Variants in PLCL2 observed in about 807,000 individuals in gnomAD.
PLCL2 encodes the protein inactive phospholipase C-like protein 2.
PLCL2 carries 4 observed loss-of-function variants against 79.6 expected under a neutral mutation model. The observed-to-expected ratio is 0.05, with a 90% confidence interval of 0.02 to 0.11. The LOEUF is 0.11. Among genes scored for constraint, PLCL2 ranks in the 10% least tolerant of loss-of-function variants. PLCL2 has a pLI of 1.00. For synonymous variants in PLCL2, 484 were observed against 457.7 expected, an observed-to-expected ratio of 1.06 and a Z score of -0.73; for missense variants, 895 against 1,291.0, an observed-to-expected ratio of 0.69 and a Z score of 4.70.
chr3:17,079,994 C>G (rs1420168648), intron 5 of PLCL2, among the ~76,000 whole-genome samples: 1 of 152,186 alleles, frequency 6.6e-6, no homozygotes, highest in Non-Finnish European at 1.5e-5. Context: ...GCTCTCCTTT[C>G]CGCTCCTGCA....
intron 1 of PLCL2, among the ~76,000 whole-genome samples, chr3:16,920,640 C>CT (rs1015892841): frequency 2.0e-5 from 3 of 152,062 alleles, no homozygotes; most frequent in African/African-American, 4.8e-5. Context: ...TTAGGGAGGG[C>CT]ATACTTAAAG....
At position 16,904,021 on chromosome 3, in the gene PLCL2, G is replaced by A. The variant is rs539226550; in HGVS notation, c.327+18655G>A. Among the ~76,000 whole-genome samples, 3 of 152,298 alleles carry A rather than the reference G, an allele frequency of 2.0e-5. No individual in the cohort carries two copies. The South Asian group carries it at 6.2e-4, about 32-fold the overall frequency. On this transcript the variant is annotated intron_variant, in intron 1 of 5. Transcript: ENST00000615277. ...GTGATCTTTTTTCAGAAGTACAGTG[G>A]CAATGGATATCTTTGAACTCTAACA...
chr3:16,924,829 T>A (rs1697207091), intron 1 of PLCL2, among the ~76,000 whole-genome samples: 1 of 152,158 alleles, frequency 6.6e-6, no homozygotes, highest in African/African-American at 2.4e-5. Flanking sequence ...AAGCAATGAT[T>A]TTTACTAGGT....
At chr3:16,982,427 G>A (rs775087553) in intron 1 of PLCL2, among the ~76,000 whole-genome samples, 1 of 152,172 alleles carries the variant, frequency 6.6e-6, no homozygotes, top group African/African-American at 2.4e-5. Flanking sequence ...AGGTGGAGGA[G>A]ATGGTATCTG....
chr3:17,083,046 A>G (rs2065179924), intron 5 of PLCL2, among the ~76,000 whole-genome samples: 1 of 152,138 alleles, frequency 6.6e-6, no homozygotes, highest in African/African-American at 2.4e-5. Flanking sequence ...CTGAGGATAC[A>G]GCAGTGATCA....
chr3:16,906,288 AT>A, intron 1 of PLCL2, among the ~76,000 whole-genome samples: 1 of 151,898 alleles, frequency 6.6e-6, no homozygotes, highest in Non-Finnish European at 1.5e-5. Context: ...TCATCTCTTG[AT>A]TTTTTTTCTA....
intron 1 of PLCL2, among the ~76,000 whole-genome samples, chr3:16,889,168 C>T (rs763903327): frequency 2.6e-5 from 4 of 152,132 alleles, no homozygotes; most frequent in Admixed American, 2.0e-4. Context: ...AAGTGCTTAC[C>T]GTAATTCTCT....
At chr3:17,015,061 C>G in intron 3 of PLCL2, 150 bp downstream of exon 3, 3 of 644,148 alleles carry the variant, frequency 4.7e-6, no homozygotes, top group Non-Finnish European at 8.1e-6. Context: ...CCTGACCTTG[C>G]TGTATTTGAA....
At chr3:17,049,779 A>G (rs1051500020) in intron 4 of PLCL2, among the ~76,000 whole-genome samples, 1 of 152,156 alleles carries the variant, frequency 6.6e-6, no homozygotes, top group Admixed American at 6.5e-5. Context: ...CAGATTCAAT[A>G]CAATCGCTAT....
chr3:17,023,168 T>C (rs1439975405), intron 3 of PLCL2, among the ~76,000 whole-genome samples: 1 of 152,186 alleles, frequency 6.6e-6, no homozygotes, highest in Non-Finnish European at 1.5e-5. Context: ...CACTCAATAC[T>C]GCAAGAGGCG....
intron 1 of PLCL2, among the ~76,000 whole-genome samples, chr3:16,958,394 G>C (rs771593771): frequency 1.3e-4 from 20 of 151,992 alleles, no homozygotes; most frequent in Non-Finnish European, 2.8e-4. Context: ...TTTATTTCTG[G>C]TATCTGAAAA....
intron 1 of PLCL2, among the ~76,000 whole-genome samples, chr3:16,959,598 T>A (rs980950840): frequency 1.3e-5 from 2 of 152,040 alleles, no homozygotes; most frequent in Non-Finnish European, 2.9e-5. Flanking sequence ...GGACCTTCCC[T>A]CCTGTCCATG....
intron 3 of PLCL2, among the ~76,000 whole-genome samples, chr3:17,021,574 C>G (rs2064453174): frequency 6.8e-6 from 1 of 146,600 alleles, no homozygotes; most frequent in Non-Finnish European, 1.5e-5. Context: ...CACTGAGGAA[C>G]ACATATTCTT....
intron 1 of PLCL2, among the ~76,000 whole-genome samples, chr3:16,943,852 G>A (rs2063577684): frequency 6.6e-6 from 1 of 152,170 alleles, no homozygotes; most frequent in African/African-American, 2.4e-5. Context: ...GTCTCTTCTA[G>A]GTAGCTTGAT....
At chr3:16,918,503 T>C (rs1442399836) in intron 1 of PLCL2, among the ~76,000 whole-genome samples, 1 of 152,194 alleles carries the variant, frequency 6.6e-6, no homozygotes, top group African/African-American at 2.4e-5. Context: ...AAATAGTCTC[T>C]TTATGCAATG....
intron 3 of PLCL2, among the ~76,000 whole-genome samples, chr3:17,038,593 A>T (rs1454219606): frequency 6.6e-6 from 1 of 152,142 alleles, no homozygotes; most frequent in Non-Finnish European, 1.5e-5. Context: ...GTAGTTTCAC[A>T]TTAAATATAA....
At chr3:17,027,619 C>CTCTT (rs769751970) in intron 3 of PLCL2, among the ~76,000 whole-genome samples, 1 of 152,206 alleles carries the variant, frequency 6.6e-6, no homozygotes, top group Non-Finnish European at 1.5e-5. Flanking sequence ...TTATGACTTT[C>CTCTT]TCTTTCTTTC....
intron 1 of PLCL2, chr3:16,933,004 C>G (rs1437247881): frequency 6.6e-6 from 1 of 152,404 alleles, no homozygotes; most frequent in Admixed American, 6.5e-5. Flanking sequence ...TGTAGAAATT[C>G]GTAGTTTTGC....
intron 1 of PLCL2, among the ~76,000 whole-genome samples, chr3:16,980,233 C>A (rs1409044276): frequency 1.5e-5 from 2 of 130,550 alleles, no homozygotes; most frequent in East Asian, 2.4e-4. Flanking sequence ...GCAGAGGCAC[C>A]CCTCACCTGC....
Sources: allele counts gnomAD v4.1 joint callset (sites outside exome capture counted in the v4.1 genomes callset), GRCh38; gene constraint gnomAD v4.1.1; transcripts MANE v1.5; gene names NCBI Gene and HGNC (gene_info 2026-07-23, HGNC 2026-07-21).